CDC42BPA: variants seen among roughly 807,000 people sequenced by gnomAD.
CDC42BPA encodes serine/threonine-protein kinase MRCK alpha.
CDC42BPA carries 80 observed loss-of-function variants against 223.5 expected under a neutral mutation model. That is an observed-to-expected ratio of 0.36 (90% CI 0.30 to 0.43). The LOEUF (loss-of-function observed/expected upper bound fraction) is 0.43, where lower values mean the gene tolerates loss of function less well. Among genes scored for constraint, CDC42BPA ranks in the 20% least tolerant of loss-of-function variants. The pLI is 1.00. For synonymous variants in CDC42BPA, 694 were observed against 718.6 expected (o/e 0.97, Z 0.55); for missense variants, 1,743 against 2,099.9 (o/e 0.83, Z 3.32).
rs551201367 is a variant in CDC42BPA at position 227,150,459 on chromosome 1, A to G, written c.694-2900T>C. ...TGTACCTTCAAAGTGATAAGAAAAA[A>G]TAATTGTCAATATAGTATTACCTAC... On this transcript the variant is annotated intron_variant, in intron 6 of 36. Transcript: ENST00000366766. Among the ~76,000 whole-genome samples the G allele has an allele frequency of 7.9e-5, 12 of 152,304 alleles. No homozygotes were observed. In the South Asian group the frequency reaches 2.3e-3, roughly 29 times the overall value.
intron 1 of CDC42BPA, among the ~76,000 whole-genome samples, chr1:227,278,103 C>G (rs1190422135): frequency 1.3e-5 from 2 of 152,180 alleles, no homozygotes; most frequent in Admixed American, 6.5e-5. Context: ...AGAAAAGATT[C>G]AAACTAGGCC....
chr1:227,158,425 G>A lies in CDC42BPA; in HGVS notation c.693+2118C>T, dbSNP rs116214146. On this transcript the variant is annotated intron_variant, in intron 6 of 36. Coordinates refer to ENST00000366766, the MANE Select transcript of CDC42BPA (RefSeq NM_001394014.1). ...TTGTCATTGTGAATAAGATGTTATA[G>A]AGAGTATTGATTCTATTATCTTCTT... Among the ~76,000 whole-genome samples the A allele has an allele frequency of 8.9e-3, 1,353 of 152,014 alleles. 20 individuals are homozygous for A. The highest frequency in any genetic ancestry group is 0.013 in the Non-Finnish European group (889 of 67,978).
chr1:227,079,177 C>T (rs972833212), intron 17 of CDC42BPA, among the ~76,000 whole-genome samples: 4 of 152,072 alleles, frequency 2.6e-5, no homozygotes, highest in Non-Finnish European at 4.4e-5. Flanking sequence ...ATCTATTACT[C>T]CATTTCTAAA....
At chr1:227,209,018 C>T (rs1203139899) in intron 3 of CDC42BPA, among the ~76,000 whole-genome samples, 1 of 151,474 alleles carries the variant, frequency 6.6e-6, no homozygotes, top group African/African-American at 2.4e-5. Context: ...TGTTTGTATA[C>T]TCTTTTATTT....
intron 5 of CDC42BPA, among the ~76,000 whole-genome samples, chr1:227,171,562 A>G (rs1666106972): frequency 2.0e-5 from 3 of 152,114 alleles, no homozygotes; most frequent in Non-Finnish European, 4.4e-5. Flanking sequence ...AGCTGTAGTG[A>G]GCCGTGACGA....
Position 227,187,652 on chromosome 1 carries a change from T to C in CDC42BPA, c.599+6134A>G, listed in dbSNP as rs145041956. Among the ~76,000 whole-genome samples, 495 of 93,970 alleles carry C rather than the reference T, an allele frequency of 5.3e-3. 5 individuals are homozygous for C. The highest frequency in any genetic ancestry group is 0.021 in the African/African-American group (478 of 22,954). 61.6% of individuals were successfully genotyped at this position (93,970 alleles called of 152,430 possible). ...CCACAGAGCCAGGAAATTCAAAAAA[T>C]ATCAAGAAGGATAAATGGCACCCCC... On this transcript the variant is annotated intron_variant, in intron 5 of 36. Coordinates refer to ENST00000366766, the MANE Select transcript of CDC42BPA (RefSeq NM_001394014.1).
rs1472801008 is a variant in CDC42BPA at position 227,026,140 on chromosome 1, G to A, written c.4445C>T (p.Pro1482Leu). 2 of 1,595,122 alleles carry A rather than the reference G, an allele frequency of 1.3e-6. No individual in the cohort carries two copies. The highest frequency in any genetic ancestry group is 1.7e-6 in the Non-Finnish European group (2 of 1,167,844). The change falls in exon 31 of 37, where the codon CCA becomes CTA. Residue 1482 changes from proline (P) to leucine (L), a missense_variant. Physicochemically the swap from Pro to Leu is moderately conservative, Grantham distance 98 (BLOSUM62 -3). This residue lies in a region of CDC42BPA where 678 missense variants were observed against 777.5 expected (regional missense o/e 0.87). Transcript: ENST00000366766. ...ATTTTCACTGTACACCGAGAGATAT[G>A]GTGCATTGTAACCTGGGAGAAGGGA... ...ANPSSCCYNAPYLSVYSENAV... is the reference protein window; with the variant it reads ...ANPSSCCYNALYLSVYSENAV...
chr1:227,218,293 G>A (rs1264022526), intron 2 of CDC42BPA, among the ~76,000 whole-genome samples: 1 of 152,172 alleles, frequency 6.6e-6, no homozygotes, highest in East Asian at 1.9e-4. Flanking sequence ...TCGAAGTCCT[G>A]ACTTCACAAC....
At chr1:227,307,488 A>T (rs1692761658) in intron 1 of CDC42BPA, among the ~76,000 whole-genome samples, 1 of 151,964 alleles carries the variant, frequency 6.6e-6, no homozygotes, top group South Asian at 2.1e-4. Context: ...CCAATGTTAA[A>T]TTACTCAGGC....
intron 21 of CDC42BPA, among the ~76,000 whole-genome samples, chr1:227,065,829 A>G (rs1676922679): frequency 6.6e-6 from 1 of 152,180 alleles, no homozygotes; most frequent in African/African-American, 2.4e-5. Flanking sequence ...AAGAATGATA[A>G]TATGTTGATA....
chr1:227,005,067 G>A lies in CDC42BPA; in HGVS notation c.4902C>T (p.Val1634=). ...QESRTVFSGS[V]SIPSITKSRP... ...GGGATTTGGTGATAGATGGAATACT[G>A]ACTGAGCCACTGAATACTGTCCGAC... Residue 1634 remains valine (V), a synonymous_variant, in exon 35 of 37, where the codon GTC becomes GTT. Coordinates refer to ENST00000366766, the MANE Select transcript of CDC42BPA (RefSeq NM_001394014.1). 6.2e-7 allele frequency: 1 copy of A among 1,614,182 alleles called. No homozygotes were observed.
At chr1:227,008,518 G>A (rs1251354852) in intron 34 of CDC42BPA, among the ~76,000 whole-genome samples, 1 of 152,162 alleles carries the variant, frequency 6.6e-6, no homozygotes, top group Non-Finnish European at 1.5e-5. Context: ...TCTAGAACTG[G>A]AAACTGAGTT....
At chr1:227,187,645 C>CA (rs1669003647) in intron 5 of CDC42BPA, among the ~76,000 whole-genome samples, 1 of 106,632 alleles carries the variant, frequency 9.4e-6, no homozygotes, top group Admixed American at 1.0e-4. Flanking sequence ...CCAGGAAATT[C>CA]AAAAAATATC....
At chr1:227,313,752 G>A (rs759500709) in intron 1 of CDC42BPA, among the ~76,000 whole-genome samples, 3 of 135,980 alleles carry the variant, frequency 2.2e-5, no homozygotes, top group African/African-American at 8.3e-5. Context: ...TAACACTCGT[G>A]TCATAAAAAA....
intron 23 of CDC42BPA, among the ~76,000 whole-genome samples, chr1:227,041,382 A>G (rs535025289): frequency 3.3e-5 from 5 of 151,782 alleles, no homozygotes; most frequent in African/African-American, 1.2e-4. Flanking sequence ...GAATTTTGCT[A>G]TTTTTTTCTC....
chr1:227,230,099 A>T (rs1341593360), intron 2 of CDC42BPA, among the ~76,000 whole-genome samples: 1 of 152,188 alleles, frequency 6.6e-6, no homozygotes, highest in African/African-American at 2.4e-5. Flanking sequence ...CTGAAACCTG[A>T]ACTCCAAGTT....
chr1:227,166,992 G>T (rs1463353900), intron 5 of CDC42BPA, among the ~76,000 whole-genome samples: 2 of 152,050 alleles, frequency 1.3e-5, no homozygotes, highest in East Asian at 3.9e-4. Flanking sequence ...AACCCAAAAG[G>T]TTCCAACATC....
chr1:227,230,524 T>C (rs926943502), intron 2 of CDC42BPA, among the ~76,000 whole-genome samples: 3 of 152,210 alleles, frequency 2.0e-5, no homozygotes, highest in African/African-American at 4.8e-5. Flanking sequence ...ATTTATTCCA[T>C]GTAGATCTTA....
At chr1:227,306,758 C>A (rs916884122) in intron 1 of CDC42BPA, among the ~76,000 whole-genome samples, 55 of 152,240 alleles carry the variant, frequency 3.6e-4, no homozygotes, top group African/African-American at 1.2e-3. Flanking sequence ...GCTAGCAATA[C>A]AATCTCAAAA....
Sources: gnomAD v4.1 joint callset for allele counts (sites outside exome capture counted in the v4.1 genomes callset) on GRCh38, gnomAD v4.1.1 for gene constraint, gnomAD v4.1.1 regional missense constraint, MANE v1.5 for transcripts, NCBI Gene and HGNC (gene_info 2026-07-23, HGNC 2026-07-21) for gene names.